AGBL1: variants seen among roughly 807,000 people sequenced by gnomAD.
AGBL1 encodes the protein cytosolic carboxypeptidase 4.
AGBL1 carries 130 observed loss-of-function variants against 118.9 expected under a neutral mutation model. The observed-to-expected ratio is 1.09, with a 90% confidence interval of 0.95 to 1.26. AGBL1 has a LOEUF of 1.26. Among genes scored for constraint, AGBL1 ranks in the 50% most tolerant of loss-of-function variants. The probability of loss-of-function intolerance (pLI) is 0.00; values close to 1 mark genes in which losing one functional copy is unlikely to be tolerated. For synonymous variants in AGBL1, 555 were observed against 478.9 expected (o/e 1.16, Z -2.08); for missense variants, 1,584 against 1,298.1 (o/e 1.22, Z -3.38).
chr15:86,518,014 T>C (rs2083142894), intron 18 of AGBL1, among the ~76,000 whole-genome samples: 1 of 152,226 alleles, frequency 6.6e-6, no homozygotes, highest in African/African-American at 2.4e-5. Context: ...ATGCTGCCTC[T>C]CTTTAGGCTC....
chr15:86,293,861 G>A (rs1350639801), intron 16 of AGBL1, among the ~76,000 whole-genome samples: 1 of 152,058 alleles, frequency 6.6e-6, no homozygotes, highest in African/African-American at 2.4e-5. Flanking sequence ...AACAAGGTGG[G>A]CGGTTTCTCC....
At chr15:86,772,353 G>A (rs769078159) in intron 22 of AGBL1, among the ~76,000 whole-genome samples, 5 of 152,068 alleles carry the variant, frequency 3.3e-5, no homozygotes, top group East Asian at 1.9e-4. Context: ...AGATGTTTCT[G>A]TGTGGGAAAC....
At chr15:86,454,535 C>T (rs571399140) in intron 18 of AGBL1, among the ~76,000 whole-genome samples, 17 of 152,022 alleles carry the variant, frequency 1.1e-4, no homozygotes, top group Non-Finnish European at 2.4e-4. Flanking sequence ...CAAATTGTGG[C>T]AAATCCATGC....
chr15:86,875,108 T>A (rs1167920283), intron 22 of AGBL1, among the ~76,000 whole-genome samples: 1 of 152,192 alleles, frequency 6.6e-6, no homozygotes, highest in South Asian at 2.1e-4. Flanking sequence ...TTTTCTTAGA[T>A]GCTTTGTTCA....
intron 17 of AGBL1, among the ~76,000 whole-genome samples, chr15:86,374,766 T>C (rs1541867): frequency 0.26 from 39,547 of 152,186 alleles, 5,941 homozygotes; most frequent in East Asian, 0.65. Flanking sequence ...TAGTTAAGAA[T>C]GTGGCACACA....
intron 5 of AGBL1, among the ~76,000 whole-genome samples, chr15:86,167,774 G>A (rs2077362519): frequency 1.3e-5 from 2 of 152,228 alleles, no homozygotes; most frequent in South Asian, 4.1e-4. Context: ...TGTAGCCATG[G>A]AAAGCTAGCT....
intron 1 of AGBL1, among the ~76,000 whole-genome samples, chr15:86,086,780 A>G (rs569031154): frequency 6.6e-6 from 1 of 152,320 alleles, no homozygotes. Flanking sequence ...CGATTCCTTC[A>G]TGTTGCCATA....
rs188339462 is a variant in AGBL1 at position 86,185,843 on chromosome 15, C to A, written c.488+26817C>A. Among the ~76,000 whole-genome samples, 1,353 of 152,168 alleles carry A rather than the reference C, an allele frequency of 8.9e-3. 19 individuals carry two copies. Among genetic ancestry groups the A allele is most frequent in the African/African-American group, 0.031 (1,300 of 41,484 alleles). ...ATGGGTGCAGCACACCAACATGGCACATGTATACATATGTAACTAACCTGC... is the reference window on the plus strand; with the variant it reads ...ATGGGTGCAGCACACCAACATGGCAAATGTATACATATGTAACTAACCTGC... On this transcript the variant is annotated intron_variant, in intron 5 of 22. Transcript: ENST00000614907.
At position 86,456,562 on chromosome 15, in the gene AGBL1, G is replaced by T. The variant is rs192806617; in HGVS notation, c.2555+59016G>T. ...GGAGAAGCCTTCAAAGGGCTAGAGA[G>T]GTTTACTCTTCAGGTTGACAGGCAT... On this transcript the variant is annotated intron_variant, in intron 18 of 22. Coordinates refer to ENST00000614907, the MANE Select transcript of AGBL1 (RefSeq NM_001386094.1). Among the ~76,000 whole-genome samples the T allele has an allele frequency of 9.9e-5, 15 of 152,268 alleles. No individual in the cohort carries two copies. The East Asian group carries it at 2.5e-3, about 26-fold the overall frequency.
At chr15:86,753,560 G>T (rs1008864127) in intron 22 of AGBL1, among the ~76,000 whole-genome samples, 1 of 151,832 alleles carries the variant, frequency 6.6e-6, no homozygotes, top group African/African-American at 2.4e-5. Flanking sequence ...ACCACACCCG[G>T]CTAATTTTTG....
intron 19 of AGBL1, among the ~76,000 whole-genome samples, chr15:86,538,113 T>C (rs1371238442): frequency 2.0e-5 from 3 of 152,320 alleles, no homozygotes; most frequent in African/African-American, 7.2e-5. Context: ...CAGTTGGTTA[T>C]TGATACATTC....
rs1306818279 is a variant in AGBL1, at chr15:86,286,748, T to TATATATATATATATATATATATATATAA, written c.2220+6966_2220+6967insTATATATATATATATATATATATATAAA. 7.5e-5 allele frequency among the ~76,000 whole-genome samples: 11 copies of TATATATATATATATATATATATATATAA among 146,136 alleles called. 1 individual carries two copies. Among genetic ancestry groups the TATATATATATATATATATATATATATAA allele is most frequent in the Middle Eastern group, 3.2e-3 (1 of 308 alleles). On this transcript the variant is annotated intron_variant, in intron 16 of 22. Coordinates refer to ENST00000614907, the MANE Select transcript of AGBL1 (RefSeq NM_001386094.1). ...GTGTTTGTGTGTGTATATATATATA[T>TATATATATATATATATATATATATATAA]AAAACTCCATCAATGCGCACTGTGG... is the stretch of plus-strand genomic sequence containing the variant.
rs146606813 is a variant in AGBL1, at chr15:86,892,600, T to C, written c.3159-14487T>C. On this transcript the variant is annotated intron_variant, in intron 22 of 22. Coordinates refer to ENST00000614907, the MANE Select transcript of AGBL1 (RefSeq NM_001386094.1). Reference sequence around the variant, plus strand: ...AGTAGGATTGATAAGATCTACCCCATAGATTTGTTTATTTGCTTATATTTT... The same window carrying C: ...AGTAGGATTGATAAGATCTACCCCACAGATTTGTTTATTTGCTTATATTTT... Among the ~76,000 whole-genome samples the C allele has an allele frequency of 1.2e-4, 19 of 152,290 alleles. No individual in the cohort carries two copies. The East Asian group carries it at 3.5e-3, about 28-fold the overall frequency.
intron 22 of AGBL1, among the ~76,000 whole-genome samples, chr15:86,812,968 C>G (rs1334482930): frequency 6.6e-6 from 1 of 151,340 alleles, no homozygotes; most frequent in Non-Finnish European, 1.5e-5. Context: ...AAAGAAAAGG[C>G]TTTACAGGTG....
At chr15:86,624,177 A>C (rs575351252) in intron 21 of AGBL1, among the ~76,000 whole-genome samples, 92 of 152,360 alleles carry the variant, frequency 6.0e-4, no homozygotes, top group Non-Finnish European at 1.1e-3. Context: ...CATGCCTGTC[A>C]AATTCTTCTA....
At chr15:86,100,310 C>T (rs1436648491) in intron 1 of AGBL1, among the ~76,000 whole-genome samples, 1 of 152,014 alleles carries the variant, frequency 6.6e-6, no homozygotes, top group East Asian at 1.9e-4. Context: ...GAGTCTTTGT[C>T]AGGTTTTAGT....
intron 21 of AGBL1, among the ~76,000 whole-genome samples, chr15:86,598,699 A>G (rs985512130): frequency 3.9e-5 from 6 of 152,140 alleles, no homozygotes; most frequent in African/African-American, 1.4e-4. Flanking sequence ...GACTGTCTGC[A>G]CAAGCAATGG....
intron 23 of AGBL1, among the ~76,000 whole-genome samples, chr15:86,939,275 A>G (rs796992868): frequency 8.7e-4 from 133 of 152,360 alleles, no homozygotes; most frequent in African/African-American, 3.0e-3. Context: ...GCTAGAATAA[A>G]GCAGGCAGAA....
chr15:86,924,861 G>A lies in AGBL1; in HGVS notation c.3222-63126G>A, dbSNP rs185973404. Among the ~76,000 whole-genome samples, 200 of 152,142 alleles carry A rather than the reference G, an allele frequency of 1.3e-3. 1 individual carries two copies. The highest frequency in any genetic ancestry group is 4.7e-3 in the African/African-American group (196 of 41,502). On this transcript the variant is annotated intron_variant, in intron 23 of 24. Coordinates refer to the AGBL1 transcript ENST00000441037. Reference sequence around the variant, plus strand: ...GAGGCTGAGGAGGGTGGATCACAAAGTCAGGAGATTGAGACCATCCTGGCT... The same window carrying A: ...GAGGCTGAGGAGGGTGGATCACAAAATCAGGAGATTGAGACCATCCTGGCT...
Sources: allele counts gnomAD v4.1 joint callset (sites outside exome capture counted in the v4.1 genomes callset), GRCh38; gene constraint gnomAD v4.1.1; transcripts MANE v1.5; gene names NCBI Gene and HGNC (gene_info 2026-07-23, HGNC 2026-07-21).